MTUS2: variants seen among roughly 807,000 people sequenced by gnomAD.
MTUS2 encodes microtubule associated scaffold protein 2, also known as microtubule-associated tumor suppressor candidate 2.
A neutral mutation model predicts 114.1 loss-of-function variants in MTUS2; 40 were observed. That is an observed-to-expected ratio of 0.35 (90% CI 0.27 to 0.46). The LOEUF is 0.46. Among genes scored for constraint, MTUS2 ranks in the 20% least tolerant of loss-of-function variants. The pLI, the probability that MTUS2 is intolerant of heterozygous loss-of-function variation, is 1.00. For synonymous variants in MTUS2, 688 were observed against 672.0 expected, an observed-to-expected ratio of 1.02 and a Z score of -0.37; for missense variants, 1,679 against 1,705.4, an observed-to-expected ratio of 0.98 and a Z score of 0.27.
chr13:29,137,143 G>GT (rs754340259), intron 5 of MTUS2, among the ~76,000 whole-genome samples: 1 of 151,986 alleles, frequency 6.6e-6, no homozygotes. Flanking sequence ...TTGGTTGACA[G>GT]TTTTTTTTCT....
intron 4 of MTUS2, among the ~76,000 whole-genome samples, chr13:29,042,702 T>C (rs1186861452): frequency 6.6e-6 from 1 of 152,190 alleles, no homozygotes; most frequent in East Asian, 1.9e-4. Flanking sequence ...AGGAATGTTG[T>C]ATATTTCCAG....
chr13:29,319,661 C>T (rs1053066264), intron 6 of MTUS2, among the ~76,000 whole-genome samples: 3 of 152,032 alleles, frequency 2.0e-5, no homozygotes, highest in Admixed American at 6.6e-5. Context: ...TGCATCAGGC[C>T]GCTACTCTGA....
chr13:29,247,639 A>G (rs1470893633), intron 5 of MTUS2, among the ~76,000 whole-genome samples: 1 of 152,246 alleles, frequency 6.6e-6, no homozygotes, highest in Non-Finnish European at 1.5e-5. Context: ...GCCAACAAAC[A>G]TACGAAAAAA....
At chr13:29,343,922 C>T (rs967213177) in intron 7 of MTUS2, among the ~76,000 whole-genome samples, 1 of 152,108 alleles carries the variant, frequency 6.6e-6, no homozygotes, top group African/African-American at 2.4e-5. Context: ...AATGATCATT[C>T]AAGAGCAGGT....
chr13:29,077,355 G>A (rs1297717043), intron 4 of MTUS2, among the ~76,000 whole-genome samples: 1 of 151,792 alleles, frequency 6.6e-6, no homozygotes. Context: ...ATCTGTGAAA[G>A]GAGAAACTGT....
chr13:29,132,761 C>T (rs1891820007), intron 5 of MTUS2, among the ~76,000 whole-genome samples: 1 of 152,262 alleles, frequency 6.6e-6, no homozygotes, highest in Middle Eastern at 3.4e-3. Context: ...TGTGAATGGA[C>T]ATTTTGGTTG....
chr13:29,122,590 C>G lies in MTUS2; in HGVS notation c.2644+21620C>G, dbSNP rs564219803. On this transcript the variant is annotated intron_variant, in intron 5 of 15. Transcript: ENST00000612955. ...TGTGGGAATTGTGGGAACTACAATT[C>G]AAGATGAGATTTGAGTGGGGATACA... 1.3e-4 allele frequency among the ~76,000 whole-genome samples: 20 copies of G among 152,220 alleles called. 1 individual carries two copies. In the South Asian group the frequency reaches 4.2e-3, roughly 32 times the overall value.
intron 5 of MTUS2, among the ~76,000 whole-genome samples, chr13:29,125,061 A>G (rs1019740630): frequency 6.6e-6 from 1 of 152,238 alleles, no homozygotes; most frequent in African/African-American, 2.4e-5. Context: ...ACTGAACTTT[A>G]CACTTAAAAA....
chr13:29,028,748 T>G (rs1886678784), intron 3 of MTUS2, among the ~76,000 whole-genome samples: 2 of 152,084 alleles, frequency 1.3e-5, no homozygotes, highest in Admixed American at 1.3e-4. Context: ...TAATGTAAAC[T>G]CCATGAGGGA....
chr13:28,971,495 T>C (rs1421370022), intron 2 of MTUS2, among the ~76,000 whole-genome samples: 1 of 152,200 alleles, frequency 6.6e-6, no homozygotes, highest in African/African-American at 2.4e-5. Context: ...TTCAAGTTAA[T>C]AGGTGAGAGA....
Position 29,070,478 on chromosome 13 carries a change from C to T in MTUS2, c.2447-30295C>T, listed in dbSNP as rs556279667. On this transcript the variant is annotated intron_variant, in intron 4 of 15. Coordinates refer to ENST00000612955, the MANE Select transcript of MTUS2 (RefSeq NM_001033602.4). ...GACTTCCAGTGTTGTTCAAGAGAAA[C>T]GGTAACACCAGTTGGGTAAATATTC... Among the ~76,000 whole-genome samples, 18 of 151,950 alleles carry T rather than the reference C, an allele frequency of 1.2e-4. 1 individual carries two copies. The South Asian group carries it at 3.1e-3, about 26-fold the overall frequency.
At chr13:29,377,482 C>G (rs1871843167) in intron 8 of MTUS2, among the ~76,000 whole-genome samples, 1 of 152,098 alleles carries the variant, frequency 6.6e-6, no homozygotes, top group African/African-American at 2.4e-5. Flanking sequence ...ATAGGAAAAT[C>G]TTTAAACACT....
chr13:29,242,397 G>A (rs753580527), intron 5 of MTUS2: 6 of 178,680 alleles, frequency 3.4e-5, no homozygotes, highest in South Asian at 2.0e-4. Flanking sequence ...GGTATCATTC[G>A]TTCATTCCTT....
At chr13:29,139,162 G>T (rs1892111619) in intron 5 of MTUS2, among the ~76,000 whole-genome samples, 1 of 151,672 alleles carries the variant, frequency 6.6e-6, no homozygotes, top group Non-Finnish European at 1.5e-5. Flanking sequence ...CATATGTGCT[G>T]ACACACAGAC....
At chr13:29,196,856 G>A (rs1370630818) in intron 5 of MTUS2, among the ~76,000 whole-genome samples, 1 of 152,106 alleles carries the variant, frequency 6.6e-6, no homozygotes, top group African/African-American at 2.4e-5. Flanking sequence ...TTCATCTGTG[G>A]ACACTTGAGT....
At chr13:29,100,085 G>A (rs994589768) in intron 4 of MTUS2, among the ~76,000 whole-genome samples, 1 of 152,152 alleles carries the variant, frequency 6.6e-6, no homozygotes, top group African/African-American at 2.4e-5. Context: ...AGTTCTTGTG[G>A]TATAAGCAGT....
chr13:28,820,824 G>A (rs751247489), intron 1 of MTUS2, among the ~76,000 whole-genome samples: 194 of 152,286 alleles, frequency 1.3e-3, no homozygotes, highest in Non-Finnish European at 1.9e-3. Context: ...TGGCACCTTC[G>A]CTTGCTGCCA....
chr13:29,326,624 A>G (rs939480940), intron 7 of MTUS2, among the ~76,000 whole-genome samples: 7 of 152,222 alleles, frequency 4.6e-5, no homozygotes, highest in African/African-American at 1.7e-4. Flanking sequence ...AAGATATTAG[A>G]AATGAACTCA....
At chr13:29,027,974 A>T (rs1886639413) in intron 3 of MTUS2, among the ~76,000 whole-genome samples, 1 of 152,192 alleles carries the variant, frequency 6.6e-6, no homozygotes, top group Non-Finnish European at 1.5e-5. Context: ...TGTCCTTTTT[A>T]GCTATGGTGA....
Sources: gnomAD v4.1 joint callset for allele counts (sites outside exome capture counted in the v4.1 genomes callset) on GRCh38, gnomAD v4.1.1 for gene constraint, MANE v1.5 for transcripts, NCBI Gene and HGNC (gene_info 2026-07-23, HGNC 2026-07-21) for gene names.